Variants in ADGRL3 observed in about 807,000 individuals in gnomAD.
The protein encoded by ADGRL3 is calcium-independent alpha-latrotoxin receptor 3.
Under a neutral mutation model 153.5 loss-of-function variants are expected in ADGRL3, and 62 were observed. The ratio of observed to expected loss-of-function variants is 0.40; its 90% CI spans 0.33 to 0.50. The LOEUF (loss-of-function observed/expected upper bound fraction) is 0.50, where lower values mean the gene tolerates loss of function less well. ADGRL3 is among the 20% of genes least tolerant of loss of function. The pLI is 0.47. For synonymous variants in ADGRL3, 710 were observed against 672.5 expected, an observed-to-expected ratio of 1.06 and a Z score of -0.86; for missense variants, 1,641 against 1,859.4, an observed-to-expected ratio of 0.88 and a Z score of 2.16.
intron 6 of ADGRL3, among the ~76,000 whole-genome samples, chr4:61,704,369 G>A (rs902792221): frequency 6.6e-6 from 1 of 152,178 alleles, no homozygotes; most frequent in Non-Finnish European, 1.5e-5. Context: ...ACATATAAAG[G>A]TAATGTTTAT....
At chr4:61,566,395 T>C (rs2098816309) in intron 4 of ADGRL3, among the ~76,000 whole-genome samples, 5 of 152,204 alleles carry the variant, frequency 3.3e-5, no homozygotes, top group Admixed American at 3.3e-4. Flanking sequence ...AATAAGGTCT[T>C]GTTCTTAAGT....
At chr4:61,596,529 G>A (rs2098989745) in intron 5 of ADGRL3, among the ~76,000 whole-genome samples, 1 of 152,104 alleles carries the variant, frequency 6.6e-6, no homozygotes, top group African/African-American at 2.4e-5. Flanking sequence ...AACTTACACT[G>A]AAAACATATT....
intron 25 of ADGRL3, among the ~76,000 whole-genome samples, chr4:62,058,890 A>G (rs937206226): frequency 2.6e-5 from 4 of 152,178 alleles, no homozygotes; most frequent in African/African-American, 9.6e-5. Flanking sequence ...GACAGCCAAA[A>G]GCAAACAGAA....
chr4:61,490,064 T>C (rs1311869325), intron 2 of ADGRL3, among the ~76,000 whole-genome samples: 1 of 152,140 alleles, frequency 6.6e-6, no homozygotes, highest in Non-Finnish European at 1.5e-5. Flanking sequence ...AGAAACCAGA[T>C]GACTTGCAGT....
At chr4:61,306,018 G>T (rs1238052841) in intron 1 of ADGRL3, among the ~76,000 whole-genome samples, 2 of 152,148 alleles carry the variant, frequency 1.3e-5, no homozygotes, top group Non-Finnish European at 2.9e-5. Context: ...GATTCTTCAA[G>T]TGAGCTGCCT....
intron 6 of ADGRL3, among the ~76,000 whole-genome samples, chr4:61,702,335 A>C (rs1210083527): frequency 6.6e-6 from 1 of 152,200 alleles, no homozygotes; most frequent in African/African-American, 2.4e-5. Flanking sequence ...TGACAGCATG[A>C]TCAGAAGTCT....
At chr4:61,678,129 A>T (rs931588740) in intron 6 of ADGRL3, among the ~76,000 whole-genome samples, 3 of 151,964 alleles carry the variant, frequency 2.0e-5, no homozygotes, top group Non-Finnish European at 4.4e-5. Context: ...GAAAAGGTAA[A>T]GCCCCTACTG....
intron 8 of ADGRL3, among the ~76,000 whole-genome samples, chr4:61,778,656 C>T (rs546894488): frequency 6.6e-6 from 1 of 152,246 alleles, no homozygotes; most frequent in African/African-American, 2.4e-5. Flanking sequence ...TTCATCGAAC[C>T]TTGTTATTAT....
intron 3 of ADGRL3, among the ~76,000 whole-genome samples, chr4:61,508,785 A>C (rs773893178): frequency 6.6e-6 from 1 of 152,038 alleles, no homozygotes; most frequent in Admixed American, 6.6e-5. Context: ...GTCCGTTTTC[A>C]TGCTGCTGAT....
intron 2 of ADGRL3, among the ~76,000 whole-genome samples, chr4:61,474,964 A>G (rs754450222): frequency 1.3e-5 from 2 of 152,142 alleles, no homozygotes; most frequent in Non-Finnish European, 2.9e-5. Flanking sequence ...GCACAGTTAC[A>G]TTTTTAATTT....
intron 5 of ADGRL3, among the ~76,000 whole-genome samples, chr4:61,627,723 A>T (rs2092918552): frequency 6.6e-6 from 1 of 152,098 alleles, no homozygotes; most frequent in Non-Finnish European, 1.5e-5. Context: ...AAATAGAATA[A>T]ATGGTAGGGT....
At chr4:61,847,942 A>T (rs2098149206) in intron 9 of ADGRL3, among the ~76,000 whole-genome samples, 1 of 14,824 alleles carries the variant, frequency 6.7e-5, no homozygotes, top group African/African-American at 1.9e-4. Flanking sequence ...AAAATATATT[A>T]TATATATAAT....
intron 6 of ADGRL3, among the ~76,000 whole-genome samples, chr4:61,712,063 T>C (rs1490203612): frequency 1.3e-5 from 2 of 152,110 alleles, no homozygotes; most frequent in Non-Finnish European, 2.9e-5. Context: ...CCATACTCAG[T>C]TACATTCGCA....
intron 4 of ADGRL3, among the ~76,000 whole-genome samples, chr4:61,579,324 C>A (rs991613214): frequency 1.8e-4 from 28 of 152,088 alleles, no homozygotes; most frequent in African/African-American, 6.7e-4. Context: ...ACAGTTCTTA[C>A]TCTTAAGAAC....
rs1482799201 is a variant in ADGRL3 at position 61,267,316 on chromosome 4, C to A, written c.-240+65551C>A. 2.6e-5 allele frequency among the ~76,000 whole-genome samples: 4 copies of A among 151,852 alleles called. No homozygotes were observed. The East Asian group carries it at 5.8e-4, about 22-fold the overall frequency. ...GCAGGAATAAAAGTCTCTGCTCCCT[C>A]CCCTAAGAAGGATTCATGTGTGTTA... On this transcript the variant is annotated intron_variant, in intron 1 of 26. Coordinates refer to ENST00000683033, the MANE Select transcript of ADGRL3 (RefSeq NM_001387552.1).
chr4:61,525,528 A>G, intron 4 of ADGRL3, among the ~76,000 whole-genome samples: 1 of 152,136 alleles, frequency 6.6e-6, no homozygotes, highest in Non-Finnish European at 1.5e-5. Context: ...GGAAGCTTCT[A>G]ATTAGAGTTG....
intron 2 of ADGRL3, among the ~76,000 whole-genome samples, chr4:61,493,483 A>G (rs2098278966): frequency 6.6e-6 from 1 of 152,222 alleles, no homozygotes; most frequent in Non-Finnish European, 1.5e-5. Context: ...TTGTTTCAAC[A>G]TTGTAAAATA....
At chr4:61,797,301 A>G (rs1214546422) in intron 8 of ADGRL3, among the ~76,000 whole-genome samples, 4 of 152,188 alleles carry the variant, frequency 2.6e-5, no homozygotes, top group Non-Finnish European at 4.4e-5. Flanking sequence ...CAAAGTATCA[A>G]TTGTTTAATT....
intron 1 of ADGRL3, among the ~76,000 whole-genome samples, chr4:61,218,925 G>T (rs1167716440): frequency 2.1e-5 from 3 of 144,776 alleles, no homozygotes; most frequent in Non-Finnish European, 4.5e-5. Context: ...GCCATGAAAG[G>T]TTTTAACAAG....
Sources: gnomAD v4.1 joint callset for allele counts (sites outside exome capture counted in the v4.1 genomes callset) on GRCh38, gnomAD v4.1.1 for gene constraint, MANE v1.5 for transcripts, NCBI Gene and HGNC (gene_info 2026-07-23, HGNC 2026-07-21) for gene names.